The following FOXP2 variants were observed in gnomAD, a reference collection of about 807,000 sequenced individuals.
The protein encoded by FOXP2 is forkhead box protein P2.
Under a neutral mutation model 115.8 loss-of-function variants are expected in FOXP2, and 12 were observed. The ratio of observed to expected loss-of-function variants is 0.10; its 90% CI spans 0.07 to 0.17. The LOEUF is 0.17. FOXP2 is among the 10% of genes least tolerant of loss of function. The pLI is 1.00. For missense variants in FOXP2, 629 were observed against 843.5 expected (o/e 0.75, Z 3.15); for synonymous variants, 328 against 297.7 (o/e 1.10, Z -1.05).
At chr7:114,126,766 C>G (rs1346856030) in intron 1 of FOXP2, among the ~76,000 whole-genome samples, 1 of 152,108 alleles carries the variant, frequency 6.6e-6, no homozygotes, top group Admixed American at 6.6e-5. Flanking sequence ...ATCATATATT[C>G]CTACCTGTGT....
chr7:114,656,313 G>GTTTT, intron 10 of FOXP2: 2 of 182,430 alleles, frequency 1.1e-5, no homozygotes, highest in South Asian at 6.9e-5. Context: ...ATCCAGCTGA[G>GTTTT]TTTTTTTTTT....
chr7:114,410,842 A>G (rs1793144949), upstream of FOXP2, among the ~76,000 whole-genome samples: 1 of 152,036 alleles, frequency 6.6e-6, no homozygotes, highest in African/African-American at 2.4e-5. Flanking sequence ...GAGTGTAGGC[A>G]GTAGAAAATA....
chr7:114,102,383 A>G (rs1790992084), intron 1 of FOXP2, among the ~76,000 whole-genome samples: 1 of 151,996 alleles, frequency 6.6e-6, no homozygotes, highest in Non-Finnish European at 1.5e-5. Context: ...AAAGGTCTCT[A>G]TAGTAAATGA....
chr7:114,257,080 C>G (rs1157809823), intron 1 of FOXP2, among the ~76,000 whole-genome samples: 1 of 152,174 alleles, frequency 6.6e-6, no homozygotes, highest in Non-Finnish European at 1.5e-5. Flanking sequence ...CAGCATGGTA[C>G]TGGTACCAAA....
intron 2 of FOXP2, among the ~76,000 whole-genome samples, chr7:114,361,625 T>A (rs1019188047): frequency 6.6e-6 from 1 of 152,072 alleles, no homozygotes; most frequent in Non-Finnish European, 1.5e-5. Flanking sequence ...TAGAAATACT[T>A]TTATATAGCA....
intron 3 of FOXP2, among the ~76,000 whole-genome samples, chr7:114,575,167 TCTTAA>T (rs2129298221): frequency 6.6e-6 from 1 of 151,966 alleles, no homozygotes; most frequent in South Asian, 2.1e-4. Flanking sequence ...TGGGCCAGTT[TCTTAA>T]CTTTGCTTTG....
intron 3 of FOXP2, among the ~76,000 whole-genome samples, chr7:114,554,146 A>AT (rs1411641543): frequency 2.0e-5 from 3 of 152,110 alleles, no homozygotes; most frequent in Non-Finnish European, 4.4e-5. Flanking sequence ...GCTTCTAAAA[A>AT]TTTTTACCAT....
chr7:114,607,449 C>T (rs528034739), intron 3 of FOXP2, among the ~76,000 whole-genome samples: 5 of 152,000 alleles, frequency 3.3e-5, no homozygotes, highest in East Asian at 3.9e-4. Context: ...CAGAAAGAGA[C>T]CTATAAGATC....
At chr7:114,421,838 T>C (rs753961420) in intron 1 of FOXP2, among the ~76,000 whole-genome samples, 7 of 151,766 alleles carry the variant, frequency 4.6e-5, no homozygotes, top group Non-Finnish European at 1.0e-4. Flanking sequence ...GGATCTCAAA[T>C]GCACTATGCA....
At chr7:114,222,886 A>G (rs1462682499) in intron 1 of FOXP2, among the ~76,000 whole-genome samples, 1 of 152,212 alleles carries the variant, frequency 6.6e-6, no homozygotes, top group Non-Finnish European at 1.5e-5. Flanking sequence ...AGGGCTAAGT[A>G]AATGGACAGA....
At chr7:114,285,076 G>C (rs979742558) in intron 1 of FOXP2, among the ~76,000 whole-genome samples, 1 of 152,076 alleles carries the variant, frequency 6.6e-6, no homozygotes, top group Admixed American at 6.6e-5. Flanking sequence ...TAACTAAAGT[G>C]TACTAGGCTC....
intron 2 of FOXP2, among the ~76,000 whole-genome samples, chr7:114,483,402 A>T (rs1796639532): frequency 6.6e-6 from 1 of 151,642 alleles, no homozygotes; most frequent in Non-Finnish European, 1.5e-5. Flanking sequence ...AAAATCTCAC[A>T]ACCAATCTCA....
At chr7:114,134,807 G>A (rs1791992814) in intron 1 of FOXP2, among the ~76,000 whole-genome samples, 1 of 151,772 alleles carries the variant, frequency 6.6e-6, no homozygotes, top group Admixed American at 6.6e-5. Flanking sequence ...CTACTCTTCT[G>A]AAAGTCTTAT....
chr7:114,404,966 G>C (rs966517227), intron 2 of FOXP2, among the ~76,000 whole-genome samples: 1 of 151,830 alleles, frequency 6.6e-6, no homozygotes, highest in African/African-American at 2.4e-5. Context: ...GTCCTTTTCT[G>C]TGTATCTCTG....
chr7:114,232,357 T>G (rs891739584), intron 1 of FOXP2, among the ~76,000 whole-genome samples: 1 of 152,154 alleles, frequency 6.6e-6, no homozygotes, highest in Non-Finnish European at 1.5e-5. Context: ...TCAATCCTAC[T>G]TCTAGTTATT....
chr7:114,399,388 G>T (rs542771090), intron 2 of FOXP2, among the ~76,000 whole-genome samples: 25 of 152,192 alleles, frequency 1.6e-4, no homozygotes, highest in South Asian at 2.1e-4. Context: ...GATTACAGGT[G>T]TGAGCCAATG....
At chr7:114,439,440 T>C (rs965140137) in intron 2 of FOXP2, among the ~76,000 whole-genome samples, 2 of 152,216 alleles carry the variant, frequency 1.3e-5, no homozygotes, top group Non-Finnish European at 2.9e-5. Flanking sequence ...AGTTGATTAA[T>C]CATTACTTCA....
intron 2 of FOXP2, among the ~76,000 whole-genome samples, chr7:114,347,551 T>G (rs1365137797): frequency 2.0e-5 from 3 of 152,000 alleles, no homozygotes; most frequent in Non-Finnish European, 1.5e-5. Flanking sequence ...TATATAAGAT[T>G]GTATAAAAAG....
chr7:114,164,994 A>ATG (rs397770744), intron 1 of FOXP2, among the ~76,000 whole-genome samples: 1 of 151,776 alleles, frequency 6.6e-6, no homozygotes, highest in African/African-American at 2.4e-5. Flanking sequence ...ATATATATAT[A>ATG]AAGTTCCAAA....
Sources: gnomAD v4.1 joint callset for allele counts (sites outside exome capture counted in the v4.1 genomes callset) on GRCh38, gnomAD v4.1.1 for gene constraint, MANE v1.5 for transcripts, NCBI Gene and HGNC (gene_info 2026-07-23, HGNC 2026-07-21) for gene names.